ANKS1B: variants seen among roughly 807,000 people sequenced by gnomAD.
ANKS1B encodes ankyrin repeat and sterile alpha motif domain containing 1B.
Under a neutral mutation model 148.3 loss-of-function variants are expected in ANKS1B, and 36 were observed. The observed-to-expected ratio is 0.24, with a 90% CI of 0.19 to 0.32. The LOEUF (loss-of-function observed/expected upper bound fraction) is 0.32, where lower values mean the gene tolerates loss of function less well. ANKS1B is among the 10% of genes least tolerant of loss of function. ANKS1B has a pLI of 1.00. For synonymous variants in ANKS1B, 542 were observed against 560.8 expected (o/e 0.97, Z 0.47); for missense variants, 1,157 against 1,542.6 (o/e 0.75, Z 4.19).
chr12:99,850,792 A>G (rs1342736677), intron 1 of ANKS1B, among the ~76,000 whole-genome samples: 3 of 152,196 alleles, frequency 2.0e-5, no homozygotes, highest in African/African-American at 7.2e-5. Context: ...CATAAGGGAA[A>G]ATTCTTCTCA....
intron 12 of ANKS1B, among the ~76,000 whole-genome samples, chr12:99,329,543 CTTGTACAT>C (rs2087100348): frequency 6.6e-6 from 1 of 151,728 alleles, no homozygotes; most frequent in Non-Finnish European, 1.5e-5. Context: ...TCATATAGTA[CTTGTACAT>C]TTGTACAGTA....
chr12:98,909,247 C>T (rs764582100), intron 17 of ANKS1B, among the ~76,000 whole-genome samples: 1 of 152,112 alleles, frequency 6.6e-6, no homozygotes, highest in Non-Finnish European at 1.5e-5. Context: ...CATCAGGTTC[C>T]GCACAGAGTG....
chr12:99,352,834 A>G (rs978854423), intron 12 of ANKS1B, among the ~76,000 whole-genome samples: 1 of 152,018 alleles, frequency 6.6e-6, no homozygotes, highest in Non-Finnish European at 1.5e-5. Context: ...CATGAAAACT[A>G]TTTCCCTGAG....
At chr12:99,447,769 C>A (rs1171044991) in intron 10 of ANKS1B, among the ~76,000 whole-genome samples, 2 of 151,868 alleles carry the variant, frequency 1.3e-5, no homozygotes, top group East Asian at 3.9e-4. Context: ...AAACAATAAC[C>A]TGATTTAAAA....
At chr12:99,512,452 G>A (rs1179986476) in intron 9 of ANKS1B, among the ~76,000 whole-genome samples, 1 of 152,060 alleles carries the variant, frequency 6.6e-6, no homozygotes, top group Non-Finnish European at 1.5e-5. Context: ...TACTGTTGGT[G>A]GGAGTGTAAA....
intron 1 of ANKS1B, among the ~76,000 whole-genome samples, chr12:99,906,010 T>C (rs568414230): frequency 6.6e-6 from 1 of 152,134 alleles, no homozygotes; most frequent in East Asian, 1.9e-4. Context: ...TCATATAGAG[T>C]TATTTGGTTT....
chr12:99,942,682 A>G (rs1165123144), intron 1 of ANKS1B, among the ~76,000 whole-genome samples: 1 of 152,178 alleles, frequency 6.6e-6, no homozygotes, highest in East Asian at 1.9e-4. Flanking sequence ...TGATGTATTC[A>G]TTCAATAAGT....
intron 17 of ANKS1B, among the ~76,000 whole-genome samples, chr12:98,862,084 G>A (rs763579406): frequency 3.9e-5 from 6 of 152,128 alleles, no homozygotes; most frequent in African/African-American, 1.4e-4. Context: ...ATTTCTAAAG[G>A]TAAGTGTTTG....
chr12:99,155,765 C>T (rs957756505), intron 14 of ANKS1B, among the ~76,000 whole-genome samples: 14 of 152,160 alleles, frequency 9.2e-5, no homozygotes, highest in Non-Finnish European at 1.5e-4. Flanking sequence ...TTCTTCCTAA[C>T]GTAGGCATCC....
At position 98,908,915 on chromosome 12, in the gene ANKS1B, T is replaced by C. The variant is rs543521666; in HGVS notation, c.2779-76779A>G. 9.2e-5 allele frequency among the ~76,000 whole-genome samples: 14 copies of C among 152,326 alleles called. No homozygotes were observed. In the East Asian group the frequency reaches 2.5e-3, roughly 27 times the overall value. Reference sequence around the variant, plus strand: ...TATAAACAGCCCAACCTACCCACCGTCATGAAATCTTCAGTAAAGGCTGTG... The same window carrying C: ...TATAAACAGCCCAACCTACCCACCGCCATGAAATCTTCAGTAAAGGCTGTG... On this transcript the variant is annotated intron_variant, in intron 17 of 26. Coordinates refer to ENST00000683438, the MANE Select transcript of ANKS1B (RefSeq NM_001352186.2).
In ANKS1B at chr12:99,772,764, G is replaced by A. The variant is rs1043376659; in HGVS notation, c.1128+158C>T. On this transcript the variant is annotated intron_variant, in intron 8 of 26. Coordinates refer to ENST00000683438, the MANE Select transcript of ANKS1B (RefSeq NM_001352186.2). Reference sequence around the variant, plus strand: ...ACTCCTTCCCCTACACATGCACTGCGAGTAAAACCCCAAAGAACGTCAGGA... The same window carrying A: ...ACTCCTTCCCCTACACATGCACTGCAAGTAAAACCCCAAAGAACGTCAGGA... The A allele has an allele frequency of 7.6e-6, 5 of 653,626 alleles. No homozygotes were observed. The East Asian group carries it at 9.4e-5, about 12-fold the overall frequency. 40.5% of individuals were successfully genotyped at this position (653,626 alleles called of 1,614,324 possible).
At chr12:99,843,396 C>T (rs1376044533) in intron 1 of ANKS1B, among the ~76,000 whole-genome samples, 1 of 151,974 alleles carries the variant, frequency 6.6e-6, no homozygotes, top group East Asian at 1.9e-4. Context: ...CTTCTTGATG[C>T]TCTCCCTCCT....
At chr12:99,567,016 T>C (rs138577853) in intron 9 of ANKS1B, among the ~76,000 whole-genome samples, 1 of 152,310 alleles carries the variant, frequency 6.6e-6, no homozygotes, top group Non-Finnish European at 1.5e-5. Context: ...TCTCCTGCTT[T>C]TCATCAGTCA....
At chr12:99,556,909 T>A (rs573343513) in intron 9 of ANKS1B, among the ~76,000 whole-genome samples, 6 of 152,360 alleles carry the variant, frequency 3.9e-5, no homozygotes, top group African/African-American at 1.4e-4. Flanking sequence ...ATCAGAAGAA[T>A]GTATATTACA....
intron 19 of ANKS1B, among the ~76,000 whole-genome samples, chr12:98,824,065 T>C (rs2099225126): frequency 6.6e-6 from 1 of 152,050 alleles, no homozygotes; most frequent in Non-Finnish European, 1.5e-5. Context: ...AAATTTCACT[T>C]AAAGAAAAAA....
intron 17 of ANKS1B, among the ~76,000 whole-genome samples, chr12:99,050,437 G>A (rs1304928332): frequency 6.6e-6 from 1 of 152,098 alleles, no homozygotes; most frequent in African/African-American, 2.4e-5. Context: ...ACCACCAAGA[G>A]TGTGAACTTG....
chr12:99,921,078 G>A (rs2094337046), intron 1 of ANKS1B, among the ~76,000 whole-genome samples: 1 of 152,126 alleles, frequency 6.6e-6, no homozygotes. Flanking sequence ...AGAGGCTTCA[G>A]TGGAAAAACT....
At chr12:99,491,807 A>C (rs1176705127) in intron 10 of ANKS1B, among the ~76,000 whole-genome samples, 4 of 152,210 alleles carry the variant, frequency 2.6e-5, no homozygotes, top group African/African-American at 7.2e-5. Context: ...CTCCTGAACG[A>C]CTTTTGGGTA....
chr12:99,691,139 C>T (rs2098677139), intron 8 of ANKS1B, among the ~76,000 whole-genome samples: 1 of 152,192 alleles, frequency 6.6e-6, no homozygotes, highest in Admixed American at 6.5e-5. Flanking sequence ...GGAGCTGAAG[C>T]AGCTGCGATG....
Sources: gnomAD v4.1 joint callset for allele counts (sites outside exome capture counted in the v4.1 genomes callset) on GRCh38, gnomAD v4.1.1 for gene constraint, MANE v1.5 for transcripts, NCBI Gene and HGNC (gene_info 2026-07-23, HGNC 2026-07-21) for gene names.